Variants in COL6A6 observed in about 807,000 individuals in gnomAD.
The protein encoded by COL6A6 is collagen alpha-6(VI) chain.
COL6A6 carries 183 observed loss-of-function variants against 208.6 expected under a neutral mutation model. The ratio of observed to expected loss-of-function variants is 0.88; its 90% CI spans 0.78 to 0.99. The LOEUF is 0.99. COL6A6 is among the 50% of genes least tolerant of loss of function. COL6A6 has a pLI of 0.00. For synonymous variants in COL6A6, 973 were observed against 1,011.8 expected, an observed-to-expected ratio of 0.96 and a Z score of 0.73; for missense variants, 2,816 against 2,815.2, an observed-to-expected ratio of 1.00 and a Z score of -0.01.
Position 130,631,126 on chromosome 3 carries a change from G to C in COL6A6, c.4993-3464G>C, listed in dbSNP as rs1325135186. Among the ~76,000 whole-genome samples the C allele has an allele frequency of 1.5e-4, 2 of 13,670 alleles. 1 individual carries two copies. Among genetic ancestry groups the C allele is most frequent in the Non-Finnish European group, 1.9e-4 (2 of 10,334 alleles). 9.0% of individuals were successfully genotyped at this position (13,670 alleles called of 152,430 possible). ...AATCCAGGAGCTGGTTTTTTGAAAGGATCAACAAAATTGATAGACCGCTAG... is the reference window on the plus strand; with the variant it reads ...AATCCAGGAGCTGGTTTTTTGAAAGCATCAACAAAATTGATAGACCGCTAG... On this transcript the variant is annotated intron_variant, in intron 26 of 36. Coordinates refer to ENST00000358511, the MANE Select transcript of COL6A6 (RefSeq NM_001102608.3).
At chr3:130,589,246 A>G in intron 12 of COL6A6, 64 bp downstream of exon 12, 1 of 1,120,758 alleles carries the variant, frequency 8.9e-7, no homozygotes, top group Non-Finnish European at 1.3e-6. Flanking sequence ...CATGGGTTTA[A>G]GTAGAAATAA....
chr3:130,582,128 A>T lies in COL6A6; in HGVS notation c.3970+60A>T, dbSNP rs752748286. On this transcript the variant is annotated intron_variant, in intron 10 of 36. Transcript: ENST00000358511. ...ATTAACTTTATAATCTCAGAACTAA[A>T]TTCTGGCTCTTAAATTTCCAGGCTC... The T allele has an allele frequency of 7.5e-6, 8 of 1,065,522 alleles. No individual in the cohort carries two copies. In the Admixed American group the frequency reaches 8.2e-5, roughly 11 times the overall value. The allele number at this position is 1,065,522 out of a possible 1,614,324, so 66.0% of individuals were successfully genotyped here.
At chr3:130,517,502 G>C (rs1325995563) in intron 1 of COL6A6, among the ~76,000 whole-genome samples, 105 bp downstream of exon 1, 1 of 152,274 alleles carries the variant, frequency 6.6e-6, no homozygotes, top group Non-Finnish European at 1.5e-5. Context: ...GGCTGCATGA[G>C]AAAGACTGCG....
rs1175464837 is a variant in COL6A6, at chr3:130,676,222, T to A, written c.*825T>A. 6.6e-6 allele frequency: 1 copy of A among 152,178 alleles called. No individual in the cohort carries two copies. Among genetic ancestry groups the A allele is most frequent in the East Asian group, 1.9e-4 (1 of 5,200 alleles). 9.4% of individuals were successfully genotyped at this position (152,178 alleles called of 1,614,324 possible). A position where few individuals can be genotyped will look rare whatever the true frequency, so the allele number is the denominator to read the frequency against. On this transcript the variant is annotated 3_prime_UTR_variant, in exon 37 of 37. Transcript: ENST00000358511. ...TGAAGCTCTGAGTTACTTTTACCCA[T>A]CAGGTAGCTGTTTAGTCAATAATAA...
chr3:130,583,947 C>T (rs1166715507), intron 10 of COL6A6, among the ~76,000 whole-genome samples: 2 of 152,128 alleles, frequency 1.3e-5, no homozygotes, highest in Non-Finnish European at 2.9e-5. Flanking sequence ...AGTATGCAAT[C>T]ATCACTGAAC....
At chr3:130,588,097 T>C (rs896040733) in intron 11 of COL6A6, among the ~76,000 whole-genome samples, 1 of 152,232 alleles carries the variant, frequency 6.6e-6, no homozygotes, top group African/African-American at 2.4e-5. Context: ...ATAGTATCCA[T>C]TTTGTTATTG....
chr3:130,663,777 G>A (rs1438453280), intron 35 of COL6A6, among the ~76,000 whole-genome samples: 4 of 152,074 alleles, frequency 2.6e-5, no homozygotes, highest in African/African-American at 9.7e-5. Flanking sequence ...AGTACTTAGG[G>A]TACATGAGAG....
chr3:130,611,747 C>A (rs1274566465), intron 23 of COL6A6, among the ~76,000 whole-genome samples: 1 of 152,098 alleles, frequency 6.6e-6, no homozygotes, highest in Non-Finnish European at 1.5e-5. Flanking sequence ...ATTTAAGAGG[C>A]TATTTGCATA....
chr3:130,645,833 T>G (rs921453545), intron 32 of COL6A6, among the ~76,000 whole-genome samples: 5 of 152,240 alleles, frequency 3.3e-5, no homozygotes, highest in Non-Finnish European at 7.3e-5. Context: ...GATGTTTTTC[T>G]GTAAACTTAT....
In COL6A6 at chr3:130,605,035, T is replaced by C. The variant is rs1331887690; in HGVS notation, c.4654-1896T>C. ...GTAACCCTGCTACTTCCCTTTCTTC[T>C]CACACTTTTGACACAGATGGCCTTA... On this transcript the variant is annotated intron_variant, in intron 20 of 36. Transcript: ENST00000358511. Among the ~76,000 whole-genome samples, 23 of 152,334 alleles carry C rather than the reference T, an allele frequency of 1.5e-4. 1 individual carries two copies.
At chr3:130,658,563 C>A in intron 33 of COL6A6, 113 bp from the exon 34 acceptor site, 1 of 698,310 alleles carries the variant, frequency 1.4e-6, no homozygotes, top group Admixed American at 2.2e-5. Context: ...CTCCCCCGTA[C>A]CTTCTTAGAA....
chr3:130,647,082 T>C (rs2065481848), intron 32 of COL6A6, among the ~76,000 whole-genome samples: 1 of 152,146 alleles, frequency 6.6e-6, no homozygotes. Context: ...CTGTGGCAAG[T>C]AGCAGTCCTC....
chr3:130,592,078 T>C (rs2063730281), intron 13 of COL6A6, among the ~76,000 whole-genome samples: 1 of 152,024 alleles, frequency 6.6e-6, no homozygotes, highest in Admixed American at 6.6e-5. Context: ...TGCTGAAGAT[T>C]TGGATTGTGT....
rs138194535 is a variant in COL6A6 at position 130,533,170 on chromosome 3, C to A, written c.-32+15773C>A. On this transcript the variant is annotated intron_variant, in intron 1 of 36. Coordinates refer to ENST00000358511, the MANE Select transcript of COL6A6 (RefSeq NM_001102608.3). ...AGTGGCAGCAGTGGCAAAGAAATAG[C>A]GGCCATATTTTACCGTATTTTCTAA... Among the ~76,000 whole-genome samples, 921 of 151,126 alleles carry A rather than the reference C, an allele frequency of 6.1e-3. 11 individuals are homozygous for A. Among genetic ancestry groups the A allele is most frequent in the East Asian group, 0.041 (211 of 5,162 alleles).
chr3:130,640,420 A>G (rs1331503016), intron 28 of COL6A6, among the ~76,000 whole-genome samples: 5 of 152,248 alleles, frequency 3.3e-5, no homozygotes, highest in Non-Finnish European at 5.9e-5. Context: ...AAGGAATGAA[A>G]GTAAATATAT....
chr3:130,671,061 A>G (rs2066201710), intron 36 of COL6A6, among the ~76,000 whole-genome samples: 1 of 152,176 alleles, frequency 6.6e-6, no homozygotes, highest in Non-Finnish European at 1.5e-5. Context: ...GGAACTCAAC[A>G]GCTGGCCACA....
chr3:130,645,010 A>G lies in COL6A6; in HGVS notation c.5239+8A>G, dbSNP rs568063863. ...CCCCAGCTGGCAGGCATGGTGAGTAATCTTTATTTACAGCATGCTTTAATC... is the reference window on the plus strand; with the variant it reads ...CCCCAGCTGGCAGGCATGGTGAGTAGTCTTTATTTACAGCATGCTTTAATC... On this transcript the variant is annotated splice_region_variant and intron_variant, in intron 32 of 36. Transcript: ENST00000358511. The G allele has an allele frequency of 1.7e-5, 28 of 1,611,170 alleles. No individual in the cohort carries two copies. In the East Asian group the frequency reaches 4.9e-4, roughly 28 times the overall value.
At chr3:130,598,499 G>A in intron 19 of COL6A6, 69 bp downstream of exon 19, 1 of 1,031,690 alleles carries the variant, frequency 9.7e-7, no homozygotes, top group Non-Finnish European at 1.5e-6. Flanking sequence ...GGTAGAATGT[G>A]AAATGCTTAA....
intron 1 of COL6A6, among the ~76,000 whole-genome samples, chr3:130,531,015 T>TAC (rs58738761): frequency 0.018 from 2,551 of 143,818 alleles, 33 homozygotes; most frequent in East Asian, 0.033. Flanking sequence ...CCCCCTCCTC[T>TAC]ACACACACAC....
Sources: gnomAD v4.1 joint callset for allele counts (sites outside exome capture counted in the v4.1 genomes callset) on GRCh38, gnomAD v4.1.1 for gene constraint, MANE v1.5 for transcripts, NCBI Gene and HGNC (gene_info 2026-07-23, HGNC 2026-07-21) for gene names.